The following CHL1 variants were observed in gnomAD, a reference collection of about 807,000 sequenced individuals.
CHL1 encodes the protein cell adhesion molecule L1 like.
Under a neutral mutation model 141.9 loss-of-function variants are expected in CHL1, and 96 were observed. The observed-to-expected ratio is 0.68, with a 90% CI of 0.57 to 0.80. CHL1 has a LOEUF of 0.80. Ranked by LOEUF, CHL1 falls within the 30% of genes least tolerant of loss-of-function variation. The pLI is 0.00. For synonymous variants in CHL1, 613 were observed against 502.2 expected, an observed-to-expected ratio of 1.22 and a Z score of -2.95; for missense variants, 1,820 against 1,457.2, an observed-to-expected ratio of 1.25 and a Z score of -4.05.
At chr3:376,846 T>C (rs1706387238) in intron 15 of CHL1, among the ~76,000 whole-genome samples, 1 of 152,192 alleles carries the variant, frequency 6.6e-6, no homozygotes, top group African/African-American at 2.4e-5. Context: ...CAAGGTAATA[T>C]TGGTTGGCAA....
At chr3:276,846 G>A (rs539533656) in intron 2 of CHL1, among the ~76,000 whole-genome samples, 3 of 135,104 alleles carry the variant, frequency 2.2e-5, no homozygotes, top group Admixed American at 8.3e-5. Context: ...CCGAGATCAT[G>A]CCACTGCACT....
At chr3:358,934 G>A (rs1348788843) in intron 11 of CHL1, among the ~76,000 whole-genome samples, 2 of 147,094 alleles carry the variant, frequency 1.4e-5, no homozygotes, top group Non-Finnish European at 3.0e-5. Flanking sequence ...CAGCTAACAT[G>A]TTTTCCTTCC....
chr3:396,945 T>C (rs968051020), intron 24 of CHL1, among the ~76,000 whole-genome samples: 1 of 152,198 alleles, frequency 6.6e-6, no homozygotes, highest in African/African-American at 2.4e-5. Context: ...AACCTACTGC[T>C]ATGCATCTTT....
chr3:238,646 C>G (rs1344688037), intron 1 of CHL1, among the ~76,000 whole-genome samples: 1 of 151,996 alleles, frequency 6.6e-6, no homozygotes, highest in Non-Finnish European at 1.5e-5. Flanking sequence ...CTTTTCTGGC[C>G]AGGTACAGTG....
rs1364154949 is a variant in CHL1, at chr3:328,338, A to G, written c.369A>G (p.Ile123Met). 1.9e-6 allele frequency: 3 copies of G among 1,611,034 alleles called. No homozygotes were observed. The highest frequency in any genetic ancestry group is 1.3e-5 in the African/African-American group (1 of 74,778). Residue 123 changes from isoleucine to methionine, a missense_variant, in exon 5 of 28, where the codon ATA becomes ATG. Coordinates refer to ENST00000256509, the MANE Select transcript of CHL1 (RefSeq NM_006614.4). Reference protein sequence around the residue: ...NKLGIAMSEEIEFIVPSVPKF... With the variant: ...NKLGIAMSEEMEFIVPSVPKF... ...TGGGAATCGCTATGTCAGAAGAAAT[A>G]GAATTTATAGTTCCAAGTAAGTACT...
chr3:257,944 A>G (rs148007477), intron 2 of CHL1, among the ~76,000 whole-genome samples: 9 of 152,316 alleles, frequency 5.9e-5, no homozygotes, highest in Middle Eastern at 3.4e-3. Context: ...ATCTTGAAGG[A>G]GAAGATGGAA....
intron 15 of CHL1, among the ~76,000 whole-genome samples, chr3:376,226 G>C (rs1320767613): frequency 6.6e-6 from 1 of 152,204 alleles, no homozygotes; most frequent in Non-Finnish European, 1.5e-5. Flanking sequence ...ATTTGGAGCT[G>C]TCTGTTACTG....
chr3:235,552 G>C (rs1176969579), intron 1 of CHL1, among the ~76,000 whole-genome samples: 1 of 152,100 alleles, frequency 6.6e-6, no homozygotes, highest in East Asian at 1.9e-4. Flanking sequence ...GTGTGATCAG[G>C]CATTAGTTCA....
At chr3:301,398 G>A (rs1035689851) in intron 2 of CHL1, among the ~76,000 whole-genome samples, 1 of 152,158 alleles carries the variant, frequency 6.6e-6, no homozygotes, top group African/African-American at 2.4e-5. Context: ...GTTCTGTGCT[G>A]CTTAAGAGAA....
Position 389,466 on chromosome 3 carries a change from G to C in CHL1, c.2462G>C (p.Gly821Ala). ...CCTCAGTCAGTGACTCTCTATTCTG[G>C]AGAAGACTGTAAGTGATGCACCTAA... ...PDPQSVTLYSGEDYPDTAPVI... is the reference protein window; with the variant it reads ...PDPQSVTLYSAEDYPDTAPVI... The change falls in exon 20 of 28, where the codon GGA becomes GCA. Residue 821 changes from glycine (G) to alanine (A), a missense_variant. Transcript: ENST00000256509. 6.2e-7 allele frequency: 1 copy of C among 1,613,500 alleles called. No individual in the cohort carries two copies. The highest frequency in any genetic ancestry group is 8.5e-7 in the Non-Finnish European group (1 of 1,179,500).
chr3:280,040 T>C (rs1696499292), intron 2 of CHL1, among the ~76,000 whole-genome samples: 1 of 152,204 alleles, frequency 6.6e-6, no homozygotes, highest in Non-Finnish European at 1.5e-5. Flanking sequence ...AAAATCAGGT[T>C]TCTATTATCT....
chr3:213,318 G>C (rs908215842), intron 1 of CHL1: 3 of 152,168 alleles, frequency 2.0e-5, no homozygotes, highest in Non-Finnish European at 2.9e-5. Context: ...TCAAGGAGAT[G>C]CAGCCTAACT....
chr3:298,223 C>A lies in CHL1; in HGVS notation c.-94-21460C>A, dbSNP rs79676197. Among the ~76,000 whole-genome samples, 120 of 152,220 alleles carry A rather than the reference C, an allele frequency of 7.9e-4. 1 individual carries two copies. Among genetic ancestry groups the A allele is most frequent in the African/African-American group, 2.7e-3 (114 of 41,526 alleles). ...TTCTTTCAGAAAACACTTACTGGAA[C>A]CTGAGATAATACAATAAGTCGAATT... is the stretch of plus-strand genomic sequence containing the variant. On this transcript the variant is annotated intron_variant, in intron 2 of 27. Transcript: ENST00000256509.
At chr3:298,765 T>C (rs1698442154) in intron 2 of CHL1, among the ~76,000 whole-genome samples, 1 of 152,184 alleles carries the variant, frequency 6.6e-6, no homozygotes, top group Admixed American at 6.5e-5. Context: ...TATTTGACCA[T>C]ATTCCTCCTA....
At chr3:268,551 G>GTAAAATAAAATAAAA (rs555522110) in intron 2 of CHL1, among the ~76,000 whole-genome samples, 5 of 151,476 alleles carry the variant, frequency 3.3e-5, no homozygotes, top group Non-Finnish European at 7.4e-5. Context: ...ATAAAATAAA[G>GTAAAATAAAATAAAA]TAAAATAAAA....
chr3:244,594 C>G lies in CHL1; in HGVS notation c.-174-19C>G, dbSNP rs763249788. The G allele has an allele frequency of 1.1e-4, 16 of 152,164 alleles. No individual in the cohort carries two copies. Among genetic ancestry groups the G allele is most frequent in the Admixed American group, 1.0e-3 (16 of 15,266 alleles). The allele number at this position is 152,164 out of a possible 1,614,324, so 9.4% of individuals were successfully genotyped here. ...ATGATAATTGTTTCCAAAATTACAA[C>G]TTTCTAATCTATCCCTAGGTGCTGT... On this transcript the variant is annotated intron_variant, in intron 1 of 27. Transcript: ENST00000256509.
chr3:350,179 C>G (rs1177470633), intron 10 of CHL1, among the ~76,000 whole-genome samples: 2 of 152,208 alleles, frequency 1.3e-5, no homozygotes, highest in Non-Finnish European at 2.9e-5. Flanking sequence ...AAGTCATCTT[C>G]TCTCTGTAAA....
chr3:231,599 A>G (rs1243731192), intron 1 of CHL1, among the ~76,000 whole-genome samples: 2 of 101,566 alleles, frequency 2.0e-5, no homozygotes, highest in Admixed American at 1.5e-4. Context: ...TTTTTTTGAG[A>G]TGGAGTCTCA....
At chr3:364,916 T>C (rs894480718) in intron 14 of CHL1, among the ~76,000 whole-genome samples, 2 of 152,336 alleles carry the variant, frequency 1.3e-5, no homozygotes, top group Non-Finnish European at 2.9e-5. Flanking sequence ...GATAGAGAAG[T>C]GTTTATTAAA....
Sources: gnomAD v4.1 joint callset for allele counts (sites outside exome capture counted in the v4.1 genomes callset) on GRCh38, gnomAD v4.1.1 for gene constraint, MANE v1.5 for transcripts, NCBI Gene and HGNC (gene_info 2026-07-23, HGNC 2026-07-21) for gene names.